CDH18: variants seen among roughly 807,000 people sequenced by gnomAD.
The protein encoded by CDH18 is cadherin 18.
In CDH18, 31 loss-of-function variants were observed where a neutral mutation model predicts 67.9. The ratio of observed to expected loss-of-function variants is 0.46; its 90% confidence interval spans 0.34 to 0.62. The LOEUF (loss-of-function observed/expected upper bound fraction) is 0.62. Among genes scored for constraint, CDH18 ranks in the 20% least tolerant of loss-of-function variants. The probability of loss-of-function intolerance (pLI) is 0.01; values close to 1 mark genes in which losing one functional copy is unlikely to be tolerated. For missense variants in CDH18, 890 were observed against 975.5 expected, an observed-to-expected ratio of 0.91 and a Z score of 1.17; for synonymous variants, 362 against 347.2, an observed-to-expected ratio of 1.04 and a Z score of -0.48.
chr5:20,334,833 C>A (rs1395049049), intron 1 of CDH18, among the ~76,000 whole-genome samples: 1 of 151,378 alleles, frequency 6.6e-6, no homozygotes, highest in Non-Finnish European at 1.5e-5. Flanking sequence ...CTGATTCTTT[C>A]ATCTTGTCAG....
intron 6 of CDH18, among the ~76,000 whole-genome samples, chr5:19,597,551 C>A (rs12153270): frequency 0.058 from 8,784 of 152,056 alleles, 289 homozygotes; most frequent in Non-Finnish European, 0.074. Flanking sequence ...CTATTGCACC[C>A]TTATTGCTGA....
At chr5:20,384,266 G>T (rs181845331) in intron 1 of CDH18, among the ~76,000 whole-genome samples, 3 of 151,894 alleles carry the variant, frequency 2.0e-5, no homozygotes, top group Non-Finnish European at 2.9e-5. Context: ...TTCTCACAGC[G>T]CCTGGAAACC....
chr5:19,768,131 G>A (rs948868971), intron 3 of CDH18, among the ~76,000 whole-genome samples: 4 of 152,068 alleles, frequency 2.6e-5, no homozygotes, highest in Non-Finnish European at 5.9e-5. Context: ...TGTGAACTCT[G>A]ATGGTTCCTC....
At chr5:20,117,673 G>C (rs1417298140) in intron 2 of CDH18, among the ~76,000 whole-genome samples, 1 of 152,162 alleles carries the variant, frequency 6.6e-6, no homozygotes, top group Non-Finnish European at 1.5e-5. Context: ...AATGCAGTGA[G>C]AAGCGAACAG....
chr5:19,857,721 TTAA>T (rs1229118580), intron 2 of CDH18, among the ~76,000 whole-genome samples: 1 of 152,156 alleles, frequency 6.6e-6, no homozygotes, highest in African/African-American at 2.4e-5. Context: ...AGAATATATG[TTAA>T]TAAGGCAATT....
In CDH18 at chr5:19,714,701, T is replaced by C. The variant is rs1765135189; in HGVS notation, c.643+6646A>G. On this transcript the variant is annotated intron_variant, in intron 5 of 12. Transcript: ENST00000382275. ...CTTAATAGGTTCTTTAAAATGGTGA[T>C]TGCAAGAGAAGGGACATACAGCAGG... is the stretch of plus-strand genomic sequence containing the variant. 2.0e-5 allele frequency among the ~76,000 whole-genome samples: 3 copies of C among 150,464 alleles called. No individual in the cohort carries two copies. The South Asian group carries it at 6.3e-4, about 32-fold the overall frequency.
intron 9 of CDH18, among the ~76,000 whole-genome samples, chr5:19,530,889 T>TACAC (rs1025885997): frequency 7.2e-5 from 11 of 151,856 alleles, no homozygotes; most frequent in Non-Finnish European, 1.0e-4. Flanking sequence ...TGCCGCAATA[T>TACAC]ACCCTTGCGC....
In CDH18 at chr5:20,532,775, G is replaced by A. The variant is rs568471397; in HGVS notation, c.-580+42687C>T. 3.3e-5 allele frequency among the ~76,000 whole-genome samples: 5 copies of A among 151,932 alleles called. No homozygotes were observed. In the South Asian group the frequency reaches 1.0e-3, roughly 32 times the overall value. On this transcript the variant is annotated intron_variant, in intron 1 of 14. Transcript: ENST00000507958. Reference sequence around the variant, plus strand: ...AGCTTTCTGGAAATTCTTCCAATAGGTTTTACAATAATCCATTGTTTAGTT... The same window carrying A: ...AGCTTTCTGGAAATTCTTCCAATAGATTTTACAATAATCCATTGTTTAGTT...
chr5:20,019,385 G>A (rs547753269), intron 2 of CDH18, among the ~76,000 whole-genome samples: 2 of 152,244 alleles, frequency 1.3e-5, no homozygotes, highest in East Asian at 3.9e-4. Context: ...TATTGATATG[G>A]TTTGGATTTG....
At chr5:20,170,633 A>T (rs971570376) in intron 2 of CDH18, among the ~76,000 whole-genome samples, 4 of 152,084 alleles carry the variant, frequency 2.6e-5, no homozygotes, top group African/African-American at 9.7e-5. Context: ...ATACTTATTC[A>T]AACATTTTAA....
chr5:19,638,252 G>A (rs912267933), intron 5 of CDH18, among the ~76,000 whole-genome samples: 3 of 152,246 alleles, frequency 2.0e-5, no homozygotes, highest in Non-Finnish European at 2.9e-5. Flanking sequence ...CTAGAATTAC[G>A]ACAGTGAGAC....
chr5:20,354,526 T>C (rs564788304), intron 1 of CDH18, among the ~76,000 whole-genome samples: 2 of 152,168 alleles, frequency 1.3e-5, no homozygotes, highest in South Asian at 4.1e-4. Flanking sequence ...ACGATCCTCC[T>C]GCCCCAAATG....
At chr5:20,557,272 A>C (rs570152121) in intron 1 of CDH18, among the ~76,000 whole-genome samples, 20 of 152,246 alleles carry the variant, frequency 1.3e-4, no homozygotes, top group African/African-American at 4.3e-4. Flanking sequence ...AGTTCAACCA[A>C]TAATTGCGTG....
intron 3 of CDH18, among the ~76,000 whole-genome samples, chr5:19,775,064 G>T (rs976078587): frequency 1.2e-4 from 19 of 152,184 alleles, no homozygotes; most frequent in African/African-American, 4.3e-4. Flanking sequence ...ACCCTTCAGA[G>T]CCAAAGCTGA....
intron 1 of CDH18, among the ~76,000 whole-genome samples, chr5:20,549,167 T>C (rs1757500166): frequency 6.6e-6 from 1 of 152,210 alleles, no homozygotes; most frequent in Non-Finnish European, 1.5e-5. Flanking sequence ...CATAACTTGC[T>C]CTAAATTTTT....
intron 1 of CDH18, among the ~76,000 whole-genome samples, chr5:20,453,891 G>GA (rs1223150354): frequency 6.6e-6 from 1 of 152,002 alleles, no homozygotes; most frequent in Non-Finnish European, 1.5e-5. Flanking sequence ...AAAATGCTTA[G>GA]AAAAAAGCCC....
chr5:19,989,293 C>CTT (rs2150382054), upstream of CDH18, among the ~76,000 whole-genome samples: 1 of 152,248 alleles, frequency 6.6e-6, no homozygotes, highest in South Asian at 2.1e-4. Context: ...AAAGATATTA[C>CTT]TTTTTCTGCT....
At chr5:19,510,486 C>T (rs185605474) in intron 10 of CDH18, among the ~76,000 whole-genome samples, 2 of 152,252 alleles carry the variant, frequency 1.3e-5, no homozygotes, top group African/African-American at 4.8e-5. Flanking sequence ...ATAATCACAT[C>T]TAAAACTATT....
At chr5:19,995,580 C>T (rs1735939516) in intron 2 of CDH18, among the ~76,000 whole-genome samples, 1 of 143,590 alleles carries the variant, frequency 7.0e-6, no homozygotes, top group African/African-American at 2.6e-5. Flanking sequence ...CTACCCTCAT[C>T]TGATAGAGCT....
Sources: allele counts gnomAD v4.1 joint callset (sites outside exome capture counted in the v4.1 genomes callset), GRCh38; gene constraint gnomAD v4.1.1; transcripts MANE v1.5; gene names NCBI Gene and HGNC (gene_info 2026-07-23, HGNC 2026-07-21).